Variants in MPP7 observed in about 807,000 individuals in gnomAD.
MPP7 encodes the protein MAGUK p55 subfamily member 7.
MPP7 carries 60 observed loss-of-function variants against 76.5 expected under a neutral mutation model. The ratio of observed to expected loss-of-function variants is 0.78; its 90% CI spans 0.64 to 0.97. MPP7 has a LOEUF of 0.97. MPP7 is among the 50% of genes least tolerant of loss of function. The pLI is 0.00. For missense variants in MPP7, 641 were observed against 694.0 expected, an observed-to-expected ratio of 0.92 and a Z score of 0.86; for synonymous variants, 237 against 244.5, an observed-to-expected ratio of 0.97 and a Z score of 0.29.
chr10:28,116,691 C>T (rs1182279882), intron 11 of MPP7, among the ~76,000 whole-genome samples: 1 of 152,054 alleles, frequency 6.6e-6, no homozygotes. Flanking sequence ...TCCTTATATC[C>T]AGCTACTTAA....
chr10:28,150,449 A>G (rs985999925), intron 3 of MPP7, among the ~76,000 whole-genome samples: 1 of 152,218 alleles, frequency 6.6e-6, no homozygotes, highest in Non-Finnish European at 1.5e-5. Context: ...CCTGCTAAAA[A>G]TGTAAATTAT....
intron 2 of MPP7, among the ~76,000 whole-genome samples, chr10:28,328,276 T>C (rs1482844273): frequency 6.6e-6 from 1 of 152,226 alleles, no homozygotes; most frequent in Non-Finnish European, 1.5e-5. Context: ...TTTTTTGAGG[T>C]CTATTTCATA....
rs981535317 is a variant in MPP7 at position 28,210,496 on chromosome 10, T to A, written c.38-8225A>T. 5.3e-5 allele frequency among the ~76,000 whole-genome samples: 8 copies of A among 152,162 alleles called. No homozygotes were observed. In the East Asian group the frequency reaches 1.5e-3, roughly 29 times the overall value. On this transcript the variant is annotated intron_variant, in intron 2 of 16. Coordinates refer to ENST00000683449, the MANE Select transcript of MPP7 (RefSeq NM_001318170.2). The stretch of plus-strand genomic sequence containing the variant: ...CTTTCTCATAAATGTATGAAACTTA[T>A]AAGAGAAGGTCAAGATAGATTGTGG...
intron 8 of MPP7, among the ~76,000 whole-genome samples, chr10:28,121,380 T>A (rs977677006): frequency 1.3e-5 from 2 of 150,126 alleles, no homozygotes; most frequent in Non-Finnish European, 3.0e-5. Context: ...CAGTTACAAA[T>A]ACATGATTCA....
At chr10:28,320,456 TA>T (rs1368960333) in intron 2 of MPP7, among the ~76,000 whole-genome samples, 1 of 151,674 alleles carries the variant, frequency 6.6e-6, no homozygotes, top group Non-Finnish European at 1.5e-5. Flanking sequence ...ATTAATCTTA[TA>T]GGGGAAAAAA....
intron 13 of MPP7, among the ~76,000 whole-genome samples, chr10:28,064,771 T>G (rs1177966690): frequency 1.3e-5 from 2 of 152,230 alleles, no homozygotes; most frequent in Admixed American, 6.5e-5. Context: ...AAACAGTTTT[T>G]CATACCTGTT....
At chr10:28,107,180 T>C (rs1401970113) in intron 11 of MPP7, among the ~76,000 whole-genome samples, 1 of 152,150 alleles carries the variant, frequency 6.6e-6, no homozygotes, top group Non-Finnish European at 1.5e-5. Flanking sequence ...TGTCCAGTGC[T>C]CTTTCCGTGC....
intron 1 of MPP7, among the ~76,000 whole-genome samples, chr10:28,298,501 A>G (rs1841081782): frequency 6.6e-6 from 1 of 152,240 alleles, no homozygotes; most frequent in Non-Finnish European, 1.5e-5. Context: ...TAACAGATTC[A>G]GTAAACCACG....
chr10:28,191,389 C>G (rs554157367), intron 3 of MPP7, among the ~76,000 whole-genome samples: 2 of 152,094 alleles, frequency 1.3e-5, no homozygotes, highest in African/African-American at 4.8e-5. Flanking sequence ...CAAAAAAACT[C>G]AACAAAATAT....
intron 1 of MPP7, among the ~76,000 whole-genome samples, chr10:28,243,483 C>A (rs1839338774): frequency 6.6e-6 from 1 of 151,718 alleles, no homozygotes; most frequent in African/African-American, 2.4e-5. Flanking sequence ...TTTCTACTAA[C>A]ACATTAGAAA....
intron 3 of MPP7, among the ~76,000 whole-genome samples, chr10:28,153,650 T>C (rs1443758630): frequency 6.6e-6 from 1 of 152,200 alleles, no homozygotes; most frequent in African/African-American, 2.4e-5. Context: ...TAAAAATAAA[T>C]GTTTAATTTT....
chr10:28,124,642 A>ATTT (rs58093733), intron 7 of MPP7, among the ~76,000 whole-genome samples: 4 of 140,694 alleles, frequency 2.8e-5, no homozygotes, highest in African/African-American at 7.8e-5. Context: ...CACTTGACTA[A>ATTT]TTTTTTTTTT....
intron 11 of MPP7, among the ~76,000 whole-genome samples, chr10:28,093,148 T>C (rs1853401489): frequency 6.6e-6 from 1 of 152,160 alleles, no homozygotes; most frequent in Non-Finnish European, 1.5e-5. Flanking sequence ...TTTCACAGCA[T>C]TCTAATTTCA....
chr10:28,083,182 C>G (rs1425648932), intron 12 of MPP7, among the ~76,000 whole-genome samples: 1 of 152,144 alleles, frequency 6.6e-6, no homozygotes, highest in Non-Finnish European at 1.5e-5. Flanking sequence ...GATTTCTCCA[C>G]GTAACAGGCT....
chr10:28,197,086 G>A (rs1837609483), intron 3 of MPP7, among the ~76,000 whole-genome samples: 1 of 151,488 alleles, frequency 6.6e-6, no homozygotes, highest in South Asian at 2.1e-4. Flanking sequence ...AAGGTGGATT[G>A]TTCGCTCTTG....
At chr10:28,285,775 G>A (rs1209668757) in intron 1 of MPP7, among the ~76,000 whole-genome samples, 1 of 151,232 alleles carries the variant, frequency 6.6e-6, no homozygotes, top group African/African-American at 2.4e-5. Context: ...ACTATTTACA[G>A]GCATTAAAAG....
intron 1 of MPP7, among the ~76,000 whole-genome samples, chr10:28,279,231 G>A (rs1278564196): frequency 1.3e-5 from 2 of 152,038 alleles, no homozygotes; most frequent in African/African-American, 2.4e-5. Context: ...GATTCAGAAG[G>A]ACGAAGCTAC....
intron 5 of MPP7, among the ~76,000 whole-genome samples, chr10:28,137,753 G>A (rs1402379526): frequency 6.6e-6 from 1 of 152,116 alleles, no homozygotes; most frequent in Non-Finnish European, 1.5e-5. Context: ...ATACTTAAAT[G>A]GAAATTGTGT....
At chr10:28,326,291 G>A (rs926265775) in intron 2 of MPP7, among the ~76,000 whole-genome samples, 2 of 152,182 alleles carry the variant, frequency 1.3e-5, no homozygotes, top group Non-Finnish European at 2.9e-5. Context: ...AATCAGTGTG[G>A]CAGAATAAAA....
Sources: gnomAD v4.1 joint callset for allele counts (sites outside exome capture counted in the v4.1 genomes callset) on GRCh38, gnomAD v4.1.1 for gene constraint, MANE v1.5 for transcripts, NCBI Gene and HGNC (gene_info 2026-07-23, HGNC 2026-07-21) for gene names.